MYCT1: variants seen among roughly 807,000 people sequenced by gnomAD.
MYCT1 encodes the protein MYC target 1.
A neutral mutation model predicts 15.0 loss-of-function variants in MYCT1; 12 were observed. That is an observed-to-expected ratio of 0.80 (90% CI 0.51 to 1.29). The LOEUF (loss-of-function observed/expected upper bound fraction) is 1.29. Ranked by LOEUF, MYCT1 falls within the 50% of genes most tolerant of loss-of-function variation. MYCT1 has a pLI of 0.00. For missense variants in MYCT1, 287 were observed against 279.1 expected, an observed-to-expected ratio of 1.03 and a Z score of -0.20; for synonymous variants, 104 against 102.7, an observed-to-expected ratio of 1.01 and a Z score of -0.07.
chr6:152,736,673 A>G, the MYCT1 span, among the ~76,000 whole-genome samples: 31 of 152,266 alleles, frequency 2.0e-4, no homozygotes, highest in African/African-American at 7.2e-4. Context: ...TAGGCTGCAC[A>G]TCCATTATTA....
chr6:152,707,308 G>A (rs371533863), intron 1 of MYCT1, among the ~76,000 whole-genome samples: 2 of 151,926 alleles, frequency 1.3e-5, no homozygotes, highest in East Asian at 3.9e-4. Context: ...GGCTTCTTTT[G>A]AGAGATGTCT....
downstream of MYCT1, among the ~76,000 whole-genome samples, chr6:152,725,499 T>C (rs928445451): frequency 6.6e-6 from 1 of 152,194 alleles, no homozygotes; most frequent in Non-Finnish European, 1.5e-5. Context: ...TTGGCCAGGC[T>C]GGTCTCAAAC....
intron 1 of MYCT1, among the ~76,000 whole-genome samples, chr6:152,702,506 G>A (rs1409069785): frequency 7.2e-5 from 11 of 152,148 alleles, no homozygotes; most frequent in African/African-American, 2.7e-4. Context: ...ATGCAGGGTT[G>A]TGAACTGATT....
At chr6:152,714,825 A>G (rs998677727) in intron 1 of MYCT1, among the ~76,000 whole-genome samples, 7 of 151,564 alleles carry the variant, frequency 4.6e-5, no homozygotes, top group Non-Finnish European at 1.0e-4. Context: ...GTATATATAA[A>G]TTTATTTAAG....
chr6:152,717,662 C>T (rs2099723922), intron 1 of MYCT1, among the ~76,000 whole-genome samples: 1 of 152,032 alleles, frequency 6.6e-6, no homozygotes, highest in African/African-American at 2.4e-5. Context: ...GCCTCCCCAG[C>T]CATGTGGAAA....
Position 152,719,298 on chromosome 6 carries a change from G to A in MYCT1, c.197-2444G>A, listed in dbSNP as rs540218171. ...CTGCAAGATACTCTGGTATTGAATC[G>A]ACCAATTTTTATGCAATTTATATTG... is the stretch of plus-strand genomic sequence containing the variant. On this transcript the variant is annotated intron_variant, in intron 1 of 1. Transcript: ENST00000367245. Among the ~76,000 whole-genome samples the A allele has an allele frequency of 3.9e-4, 60 of 152,216 alleles. 1 individual carries two copies. Among genetic ancestry groups the A allele is most frequent in the African/African-American group, 1.3e-3 (56 of 41,536 alleles).
the MYCT1 span, among the ~76,000 whole-genome samples, chr6:152,736,992 A>T: frequency 6.6e-6 from 1 of 152,150 alleles, no homozygotes; most frequent in African/African-American, 2.4e-5. Flanking sequence ...ATGAAATTAC[A>T]AAACTTTGAG....
At chr6:152,716,966 T>C (rs1176854238) in intron 1 of MYCT1, among the ~76,000 whole-genome samples, 3 of 152,192 alleles carry the variant, frequency 2.0e-5, no homozygotes, top group Non-Finnish European at 4.4e-5. Flanking sequence ...TAAAAAGTAA[T>C]ATCTTTGCCA....
the MYCT1 span, among the ~76,000 whole-genome samples, chr6:152,731,450 C>CA: frequency 1.3e-5 from 2 of 151,966 alleles, no homozygotes; most frequent in Non-Finnish European, 2.9e-5. Context: ...ATACATGTGC[C>CA]ATGTTGGTGT....
chr6:152,702,419 A>G (rs911202095), intron 1 of MYCT1, among the ~76,000 whole-genome samples: 1 of 152,198 alleles, frequency 6.6e-6, no homozygotes, highest in Non-Finnish European at 1.5e-5. Flanking sequence ...TTAGTAATTT[A>G]AATGTGAAGT....
At position 152,721,968 on chromosome 6, in the gene MYCT1, T is replaced by C. The variant is rs139091795; in HGVS notation, c.423T>C (p.Ser141=). The part of the protein sequence containing the change: ...CERRSNLSLA[S]LTFQRQASLE... ...GTCGAAGCAACCTCAGCCTGGCCAG[T>C]CTCACCTTCCAGCGACAAGCTTCCC... Residue 141 remains serine, a synonymous_variant, in exon 2 of 2, where the codon AGT becomes AGC. Coordinates refer to ENST00000367245, the MANE Select transcript of MYCT1 (RefSeq NM_025107.3). 3.7e-6 allele frequency: 6 copies of C among 1,613,986 alleles called. No individual in the cohort carries two copies. In the African/African-American group the frequency reaches 6.7e-5, roughly 18 times the overall value.
chr6:152,746,047 C>A, the MYCT1 span, among the ~76,000 whole-genome samples: 8 of 152,202 alleles, frequency 5.3e-5, no homozygotes, highest in Non-Finnish European at 1.2e-4. Flanking sequence ...CTTCCCTGGC[C>A]TGTGGAGAAT....
At chr6:152,731,444 A>C in the MYCT1 span, among the ~76,000 whole-genome samples, 1 of 152,128 alleles carries the variant, frequency 6.6e-6, no homozygotes, top group Admixed American at 6.5e-5. Context: ...ATATGTATAC[A>C]TGTGCCATGT....
At chr6:152,705,229 T>A (rs1445525044) in intron 1 of MYCT1, among the ~76,000 whole-genome samples, 1 of 152,180 alleles carries the variant, frequency 6.6e-6, no homozygotes. Flanking sequence ...TTAAATGTGC[T>A]CAGAACACTT....
At chr6:152,739,488 A>T in the MYCT1 span, among the ~76,000 whole-genome samples, 1 of 151,922 alleles carries the variant, frequency 6.6e-6, no homozygotes, top group African/African-American at 2.4e-5. Flanking sequence ...AAGAGAATTT[A>T]AAAATTTTGC....
the MYCT1 span, among the ~76,000 whole-genome samples, chr6:152,742,653 G>T: frequency 1.3e-5 from 2 of 152,190 alleles, no homozygotes; most frequent in Non-Finnish European, 2.9e-5. Context: ...TATAGAAGTT[G>T]CACAGGAGAG....
At chr6:152,746,265 G>A in the MYCT1 span, among the ~76,000 whole-genome samples, 7 of 152,176 alleles carry the variant, frequency 4.6e-5, no homozygotes, top group South Asian at 6.2e-4. Context: ...CCAACACCCC[G>A]GCAGACGCCT....
the MYCT1 span, among the ~76,000 whole-genome samples, chr6:152,734,115 A>G: frequency 1.2e-4 from 19 of 152,184 alleles, no homozygotes; most frequent in African/African-American, 4.6e-4. Context: ...ATGCTGTGAA[A>G]TGAAATGTGG....
the MYCT1 span, among the ~76,000 whole-genome samples, chr6:152,741,496 A>G: frequency 1.3e-5 from 2 of 152,158 alleles, no homozygotes; most frequent in Non-Finnish European, 2.9e-5. Context: ...GGATATAATG[A>G]TACATAAGAC....
Sources: allele counts gnomAD v4.1 joint callset (sites outside exome capture counted in the v4.1 genomes callset), GRCh38; gene constraint gnomAD v4.1.1; transcripts MANE v1.5; gene names NCBI Gene and HGNC (gene_info 2026-07-23, HGNC 2026-07-21).